PDZD2: variants seen among roughly 807,000 people sequenced by gnomAD.
PDZD2 encodes the protein PDZ domain containing 2, also known as PDZ domain-containing protein 2.
Under a neutral mutation model 220.7 loss-of-function variants are expected in PDZD2, and 90 were observed. The ratio of observed to expected loss-of-function variants is 0.41; its 90% CI spans 0.34 to 0.49. The LOEUF (loss-of-function observed/expected upper bound fraction) is 0.49. Among genes scored for constraint, PDZD2 ranks in the 20% least tolerant of loss-of-function variants. The pLI is 0.28. For missense variants in PDZD2, 3,174 were observed against 3,608.5 expected, an observed-to-expected ratio of 0.88 and a Z score of 3.08; for synonymous variants, 1,375 against 1,450.5, an observed-to-expected ratio of 0.95 and a Z score of 1.18.
intron 2 of PDZD2, among the ~76,000 whole-genome samples, chr5:31,813,842 T>G (rs370258980): frequency 1.3e-4 from 20 of 152,142 alleles, no homozygotes; most frequent in African/African-American, 4.3e-4. Context: ...ACTTAAGTAC[T>G]GCTGTTTCAC....
intron 2 of PDZD2, among the ~76,000 whole-genome samples, chr5:31,949,598 TTG>T (rs1455123044): frequency 6.6e-6 from 1 of 152,028 alleles, no homozygotes; most frequent in Non-Finnish European, 1.5e-5. Flanking sequence ...TCCACCCAGA[TTG>T]TGTTCTTCGG....
intron 6 of PDZD2, among the ~76,000 whole-genome samples, chr5:32,018,793 G>C (rs1322745666): frequency 6.6e-6 from 1 of 152,224 alleles, no homozygotes; most frequent in Non-Finnish European, 1.5e-5. Context: ...CGTATAAAAG[G>C]TTGCTTGAAA....
chr5:31,911,315 A>C (rs554327305), intron 2 of PDZD2, among the ~76,000 whole-genome samples: 21 of 152,336 alleles, frequency 1.4e-4, no homozygotes, highest in Non-Finnish European at 2.6e-4. Context: ...TAGATGAATC[A>C]ATTCAGGCTC....
In PDZD2 at chr5:32,087,185, A is replaced by G. The variant is rs868311261; in HGVS notation, c.3737A>G (p.His1246Arg). 3.7e-6 allele frequency: 6 copies of G among 1,613,790 alleles called. No individual in the cohort carries two copies. The African/African-American group carries it at 8.0e-5, about 22-fold the overall frequency. The change falls in exon 20 of 25, where the codon CAT (histidine) becomes CGT (arginine). Residue 1246 changes from histidine (H) to arginine (R), a missense_variant. Transcript: ENST00000438447. The surrounding 1 kb of genome is among the most constrained non-coding windows in gnomAD (Gnocchi z 4.0). ...TCCCCAGGGAAGAAGGGGGCCGCTCATCCTGACCCCAGCAAGACCTCTGTA... is the reference window on the plus strand; with the variant it reads ...TCCCCAGGGAAGAAGGGGGCCGCTCGTCCTGACCCCAGCAAGACCTCTGTA... ...ISSPGKKGAA[H>R]PDPSKTSVDT...
At chr5:31,732,672 A>G (rs981871693) in intron 1 of PDZD2, among the ~76,000 whole-genome samples, 3 of 152,236 alleles carry the variant, frequency 2.0e-5, no homozygotes, top group African/African-American at 7.2e-5. Context: ...AAGGTCCTTG[A>G]AAGTTCCATA....
chr5:31,804,538 A>G (rs1754598633), intron 2 of PDZD2, among the ~76,000 whole-genome samples: 1 of 152,216 alleles, frequency 6.6e-6, no homozygotes, highest in Non-Finnish European at 1.5e-5. Flanking sequence ...TTGATGAGAA[A>G]CCTTGGCTGA....
chr5:31,741,169 G>C (rs61519162), intron 1 of PDZD2, among the ~76,000 whole-genome samples: 1 of 149,938 alleles, frequency 6.7e-6, no homozygotes, highest in Non-Finnish European at 1.5e-5. Flanking sequence ...TGCACTTATA[G>C]TCAGATCTTG....
chr5:31,671,909 G>A (rs36045423), intron 1 of PDZD2, among the ~76,000 whole-genome samples: 70,898 of 151,910 alleles, frequency 0.47, 17,948 homozygotes, highest in Middle Eastern at 0.63. Context: ...CTGGAGGGGT[G>A]GAGCTCTAGG....
At chr5:31,955,014 G>A (rs139618429) in intron 2 of PDZD2, among the ~76,000 whole-genome samples, 34 of 152,264 alleles carry the variant, frequency 2.2e-4, no homozygotes, top group African/African-American at 7.2e-4. Flanking sequence ...TATCCCCGCC[G>A]GGGTTGAGCA....
intron 6 of PDZD2, 143 bp from the exon 7 acceptor site, chr5:32,037,088 T>G (rs1489930347): frequency 3.3e-6 from 2 of 615,060 alleles, no homozygotes; most frequent in Non-Finnish European, 5.8e-6. Flanking sequence ...TCTGAAGGGC[T>G]GTGCTTTGAT....
intron 1 of PDZD2, chr5:31,747,750 C>T (rs72755455): frequency 0.094 from 14,342 of 152,348 alleles, 839 homozygotes; most frequent in Non-Finnish European, 0.13. Context: ...CCCAGGTCGC[C>T]TTCCCACTCC....
chr5:32,054,418 G>A (rs1738903426), intron 10 of PDZD2, among the ~76,000 whole-genome samples: 1 of 142,496 alleles, frequency 7.0e-6, no homozygotes, highest in African/African-American at 2.6e-5. Flanking sequence ...CAACCCCCTG[G>A]GCTCAGGTGA....
At chr5:31,793,428 C>T (rs1753831623) in intron 1 of PDZD2, among the ~76,000 whole-genome samples, 1 of 152,180 alleles carries the variant, frequency 6.6e-6, no homozygotes, top group Non-Finnish European at 1.5e-5. Context: ...AACAACCTTC[C>T]CACAGATATT....
chr5:31,787,723 T>C (rs1262294957), intron 1 of PDZD2: 7 of 152,092 alleles, frequency 4.6e-5, no homozygotes, highest in African/African-American at 1.7e-4. Context: ...GAGGAGGTAA[T>C]CCCTGAGGTT....
chr5:31,680,931 C>T (rs980458578), intron 1 of PDZD2, among the ~76,000 whole-genome samples: 1 of 152,104 alleles, frequency 6.6e-6, no homozygotes, highest in Non-Finnish European at 1.5e-5. Flanking sequence ...GGCCTTGCCC[C>T]TCGGACAATT....
At chr5:31,886,322 C>T (rs1740468574) in intron 2 of PDZD2, among the ~76,000 whole-genome samples, 3 of 152,128 alleles carry the variant, frequency 2.0e-5, no homozygotes, top group African/African-American at 7.2e-5. Context: ...GCAGCGACTC[C>T]AAGCTTTGGT....
At chr5:32,018,059 G>A (rs1434705577) in intron 6 of PDZD2, among the ~76,000 whole-genome samples, 6 of 152,084 alleles carry the variant, frequency 3.9e-5, no homozygotes, top group Admixed American at 2.0e-4. Flanking sequence ...GCTGTGAGGG[G>A]AAAAAAAGAG....
chr5:31,664,451 T>TACACAC lies in PDZD2; in HGVS notation c.-361+25036_-361+25041dup, dbSNP rs10629638. ...ACACAGACACATGCGCATGCATGCATACACACACACACACACACACACACA... is the reference window on the plus strand; with the variant it reads ...ACACAGACACATGCGCATGCATGCATACACACACACACACACACACACACACACACA... On this transcript the variant is annotated intron_variant, in intron 1 of 24. Transcript: ENST00000438447. Among the ~76,000 whole-genome samples, 637 of 144,802 alleles carry TACACAC rather than the reference T, an allele frequency of 4.4e-3. 5 individuals are homozygous for TACACAC. The highest frequency in any genetic ancestry group is 0.015 in the African/African-American group (598 of 40,114). 95.0% of individuals were successfully genotyped at this position (144,802 alleles called of 152,430 possible).
intron 10 of PDZD2, among the ~76,000 whole-genome samples, chr5:32,054,158 G>T (rs1469630875): frequency 1.3e-5 from 2 of 152,048 alleles, no homozygotes; most frequent in East Asian, 3.9e-4. Context: ...TGTCAACTTG[G>T]TCTGATCATG....
Sources: allele counts gnomAD v4.1 joint callset (sites outside exome capture counted in the v4.1 genomes callset), GRCh38; gene constraint gnomAD v4.1.1; non-coding constraint Gnocchi (gnomAD v3.1); transcripts MANE v1.5; gene names NCBI Gene and HGNC (gene_info 2026-07-23, HGNC 2026-07-21).